The following DCLRE1C variants were observed in gnomAD, a reference collection of about 807,000 sequenced individuals.
DCLRE1C encodes the protein protein artemis.
Under a neutral mutation model 61.4 loss-of-function variants are expected in DCLRE1C, and 47 were observed. The observed-to-expected ratio is 0.77, with a 90% CI of 0.61 to 0.98. DCLRE1C has a LOEUF of 0.98. DCLRE1C is among the 50% of genes least tolerant of loss of function. The pLI, the probability that DCLRE1C is intolerant of heterozygous loss-of-function variation, is 0.00. For synonymous variants in DCLRE1C, 337 were observed against 287.6 expected (o/e 1.17, Z -1.74); for missense variants, 858 against 816.0 (o/e 1.05, Z -0.63).
rs1837738505 is a variant in DCLRE1C at position 14,925,099 on chromosome 10, A to G, written c.972+1744T>C. On this transcript the variant is annotated intron_variant, in intron 11 of 13. Coordinates refer to ENST00000378278, the MANE Select transcript of DCLRE1C (RefSeq NM_001033855.3). Reference sequence around the variant, plus strand: ...TATTCTTTAAATAGTTTTCACAAACAGTATCTTTTGTACCTTCACAGGAGG... The same window carrying G: ...TATTCTTTAAATAGTTTTCACAAACGGTATCTTTTGTACCTTCACAGGAGG... Among the ~76,000 whole-genome samples, 4 of 152,058 alleles carry G rather than the reference A, an allele frequency of 2.6e-5. No individual in the cohort carries two copies. In the South Asian group the frequency reaches 8.3e-4, roughly 31 times the overall value.
chr10:14,904,780 T>A lies in DCLRE1C; in HGVS notation c.*3628A>T, dbSNP rs1280746689. Among the ~76,000 whole-genome samples the A allele has an allele frequency of 6.6e-6, 1 of 152,210 alleles. No homozygotes were observed. Among genetic ancestry groups the A allele is most frequent in the African/African-American group, 2.4e-5 (1 of 41,446 alleles). On this transcript the variant is annotated 3_prime_UTR_variant, in exon 14 of 14. Transcript: ENST00000378278. ...TTTAAGTCAACATTTAGCTTATCCATCATATTGGTTTCCTGAAGATGTCAG... is the reference window on the plus strand; with the variant it reads ...TTTAAGTCAACATTTAGCTTATCCAACATATTGGTTTCCTGAAGATGTCAG...
Position 14,909,169 on chromosome 10 carries a change from ACT to A in DCLRE1C, c.1316_1317del (p.Glu439ValfsTer14), listed in dbSNP as rs1200768694. On this transcript the variant is annotated frameshift_variant, in exon 14 of 14. Coordinates refer to ENST00000378278, the MANE Select transcript of DCLRE1C (RefSeq NM_001033855.3). LOFTEE classifies it low-confidence loss of function (END_TRUNC). ...TTTGTGAAACGAGAGCTCTGCATAC[ACT>A]CTGCTCTGCAGCATCCTGGGGTTTG... ...LRQTPGCCRA[E>X]CMQSSRFTNF... is the part of the protein sequence containing the mutation. 1 of 1,613,904 alleles carries A rather than the reference ACT, an allele frequency of 6.2e-7. No individual in the cohort carries two copies.
chr10:14,918,013 C>G (rs942646797), intron 13 of DCLRE1C, among the ~76,000 whole-genome samples: 5 of 152,112 alleles, frequency 3.3e-5, no homozygotes, highest in Admixed American at 6.6e-5. Flanking sequence ...CTAACCATAC[C>G]AAGTATTGGC....
At chr10:14,929,883 T>C (rs1008234797) in intron 9 of DCLRE1C, among the ~76,000 whole-genome samples, 8 of 152,070 alleles carry the variant, frequency 5.3e-5, no homozygotes, top group African/African-American at 1.4e-4. Context: ...CTATGAGCTG[T>C]GGACCTACCT....
intron 10 of DCLRE1C, among the ~76,000 whole-genome samples, chr10:14,927,615 G>C (rs1241361905): frequency 9.5e-6 from 1 of 104,884 alleles, no homozygotes; most frequent in East Asian, 2.8e-4. Context: ...GGATGGAGGA[G>C]AGGGAGGGAG....
intron 13 of DCLRE1C, among the ~76,000 whole-genome samples, chr10:14,910,022 G>A (rs1490193329): frequency 6.6e-6 from 1 of 152,170 alleles, no homozygotes; most frequent in African/African-American, 2.4e-5. Flanking sequence ...AACCTAGGAA[G>A]AAAGTTAAAT....
chr10:14,947,776 G>C (rs1273360282), intron 2 of DCLRE1C, among the ~76,000 whole-genome samples: 2 of 152,094 alleles, frequency 1.3e-5, no homozygotes, highest in South Asian at 4.1e-4. Context: ...AAAAATTACT[G>C]AGGCCAGGAG....
downstream of DCLRE1C, chr10:14,904,422 G>T (rs11259386): frequency 7.4e-6 from 1 of 134,766 alleles, no homozygotes; most frequent in Non-Finnish European, 1.5e-5. Flanking sequence ...TCAGTGTTAA[G>T]AAAAGGTTGT....
exon 14 of DCLRE1C, chr10:14,897,403 A>G (rs1833664449): frequency 1.9e-6 from 3 of 1,613,488 alleles, no homozygotes; most frequent in East Asian, 4.5e-5. Context: ...GGATTGTACA[A>G]AAAGGCACAC....
At chr10:14,950,471 G>A (rs772180885) in intron 1 of DCLRE1C, among the ~76,000 whole-genome samples, 3 of 151,230 alleles carry the variant, frequency 2.0e-5, no homozygotes, top group East Asian at 3.9e-4. Context: ...TTTATATGTC[G>A]TGTGGCCATC....
chr10:14,941,449 T>C (rs550092384), intron 3 of DCLRE1C, among the ~76,000 whole-genome samples: 1 of 152,176 alleles, frequency 6.6e-6, no homozygotes, highest in East Asian at 1.9e-4. Flanking sequence ...TATACCAGGC[T>C]AGTTTTTAAG....
intron 1 of DCLRE1C, among the ~76,000 whole-genome samples, chr10:14,951,389 CAAAAAAAAAAAAAAA>C (rs60272216): frequency 0.014 from 628 of 46,100 alleles, 15 homozygotes; most frequent in African/African-American, 0.041. Context: ...AACCCTGTCT[CAAAAAAAAAAAAAAA>C]AAAAAAAAAA....
chr10:14,943,355 A>G (rs1367620430), intron 3 of DCLRE1C, among the ~76,000 whole-genome samples: 1 of 152,144 alleles, frequency 6.6e-6, no homozygotes, highest in Non-Finnish European at 1.5e-5. Context: ...TCCTTTTAAC[A>G]GTGACACCCT....
chr10:14,931,140 CACT>C (rs1373716014), intron 9 of DCLRE1C, among the ~76,000 whole-genome samples: 1 of 152,128 alleles, frequency 6.6e-6, no homozygotes, highest in African/African-American at 2.4e-5. Flanking sequence ...TCACTCAAAC[CACT>C]ACATTTAAAG....
At chr10:14,923,218 C>T (rs1837411198) in intron 11 of DCLRE1C, 149 bp from the exon 12 acceptor site, 10 of 660,836 alleles carry the variant, frequency 1.5e-5, no homozygotes, top group South Asian at 1.4e-4. Context: ...CCAGGGACCT[C>T]TTGGGAAAAA....
At chr10:14,942,634 A>G (rs2131069030) in intron 3 of DCLRE1C, among the ~76,000 whole-genome samples, 1 of 152,330 alleles carries the variant, frequency 6.6e-6, no homozygotes, top group Non-Finnish European at 1.5e-5. Context: ...AGGGCAGTGC[A>G]GTCCCTGAGC....
At chr10:14,925,555 C>T (rs1837832774) in intron 11 of DCLRE1C, among the ~76,000 whole-genome samples, 2 of 152,232 alleles carry the variant, frequency 1.3e-5, no homozygotes, top group Non-Finnish European at 2.9e-5. Flanking sequence ...CCAATTAATA[C>T]ATAACCTTGT....
At chr10:14,923,313 C>T in intron 11 of DCLRE1C, 1 of 471,556 alleles carries the variant, frequency 2.1e-6, no homozygotes, top group Non-Finnish European at 3.9e-6. Context: ...TTTAAATATT[C>T]CCCAGGTGAT....
chr10:14,902,381 T>C, downstream of DCLRE1C: 1 of 1,474,428 alleles, frequency 6.8e-7, no homozygotes, highest in East Asian at 2.3e-5. Context: ...CTCTTTCTCC[T>C]ATATTTCTTT....
Sources: gnomAD v4.1 joint callset for allele counts (sites outside exome capture counted in the v4.1 genomes callset) on GRCh38, gnomAD v4.1.1 for gene constraint, MANE v1.5 for transcripts, NCBI Gene and HGNC (gene_info 2026-07-23, HGNC 2026-07-21) for gene names.